DIS3L2: variants seen among roughly 807,000 people sequenced by gnomAD.
DIS3L2 encodes the protein DIS3-like exonuclease 2.
In DIS3L2, 34 loss-of-function variants were observed where a neutral mutation model predicts 97.5. The observed-to-expected ratio is 0.35, with a 90% CI of 0.27 to 0.46. The LOEUF is 0.46. Ranked by LOEUF, DIS3L2 falls within the 20% of genes least tolerant of loss-of-function variation. DIS3L2 has a pLI of 1.00. For synonymous variants in DIS3L2, 435 were observed against 445.2 expected (o/e 0.98, Z 0.29); for missense variants, 1,038 against 1,146.0 (o/e 0.91, Z 1.36).
intron 13 of DIS3L2, among the ~76,000 whole-genome samples, chr2:232,285,609 A>G (rs1409338356): frequency 6.6e-6 from 1 of 152,246 alleles, no homozygotes; most frequent in Non-Finnish European, 1.5e-5. Flanking sequence ...AGTGTGGCCC[A>G]GTAGGAAATG....
rs1695957683 is a variant in DIS3L2 at position 232,336,576 on chromosome 2, TGAGAAG to T, written c.2608_2613del (p.Lys870_Glu871del). 1 of 1,608,806 alleles carries T rather than the reference TGAGAAG, an allele frequency of 6.2e-7. No homozygotes were observed. Among genetic ancestry groups the T allele is most frequent in the Non-Finnish European group, 8.5e-7 (1 of 1,179,814 alleles). ...CAGGCACCCAGGGCCACCTGGGCCC[TGAGAAG>T]GAGGAGGAGGAGTCTGACGGTGAGC... is the stretch of plus-strand genomic sequence containing the variant. On this transcript the variant is annotated inframe_deletion, in exon 21 of 21. Transcript: ENST00000325385.
chr2:232,011,303 C>T (rs571954281), intron 1 of DIS3L2, among the ~76,000 whole-genome samples: 2 of 151,864 alleles, frequency 1.3e-5, no homozygotes, highest in Admixed American at 6.6e-5. Context: ...GCTTAATGGG[C>T]CTTTATAACT....
chr2:232,177,112 A>G (rs1574928450), intron 9 of DIS3L2, among the ~76,000 whole-genome samples: 2 of 147,580 alleles, frequency 1.4e-5, no homozygotes, highest in South Asian at 4.4e-4. Context: ...AATTTCATCC[A>G]TGTCCCTACA....
chr2:232,231,423 C>G (rs188006026), intron 10 of DIS3L2, among the ~76,000 whole-genome samples: 7 of 152,348 alleles, frequency 4.6e-5, no homozygotes, highest in African/African-American at 1.7e-4. Flanking sequence ...CTGCTTCACT[C>G]CTTTCTCTTG....
At chr2:232,141,451 C>A (rs1690036549) in intron 8 of DIS3L2, among the ~76,000 whole-genome samples, 1 of 151,996 alleles carries the variant, frequency 6.6e-6, no homozygotes, top group Non-Finnish European at 1.5e-5. Context: ...TTTTATCAAG[C>A]AAAGTCTGGT....
intron 8 of DIS3L2, among the ~76,000 whole-genome samples, chr2:232,157,851 C>G (rs1450169120): frequency 2.6e-5 from 4 of 152,176 alleles, no homozygotes; most frequent in Non-Finnish European, 1.5e-5. Flanking sequence ...TCCTATGTCC[C>G]TTGAGCAAGC....
intron 12 of DIS3L2, among the ~76,000 whole-genome samples, chr2:232,258,670 C>T (rs951350044): frequency 6.6e-6 from 1 of 150,882 alleles, no homozygotes; most frequent in African/African-American, 2.4e-5. Flanking sequence ...GTTTCTGAAG[C>T]TCTCCCTGCT....
intron 1 of DIS3L2, among the ~76,000 whole-genome samples, chr2:231,989,586 C>G (rs1693526977): frequency 6.6e-6 from 1 of 152,108 alleles, no homozygotes; most frequent in African/African-American, 2.4e-5. Context: ...CCTGTAATCT[C>G]TGCACTGAGG....
intron 6 of DIS3L2, among the ~76,000 whole-genome samples, chr2:232,108,584 T>C (rs1317778897): frequency 1.3e-5 from 2 of 152,180 alleles, no homozygotes; most frequent in Non-Finnish European, 2.9e-5. Context: ...AATAAAGGTA[T>C]TTAAATAGGA....
intron 5 of DIS3L2, among the ~76,000 whole-genome samples, chr2:232,063,134 G>T (rs1695758782): frequency 6.6e-6 from 1 of 152,048 alleles, no homozygotes; most frequent in African/African-American, 2.4e-5. Flanking sequence ...CTCACTCAGG[G>T]CCTGGCTCCT....
At chr2:232,160,231 C>A (rs1690610879) in intron 8 of DIS3L2, among the ~76,000 whole-genome samples, 1 of 152,076 alleles carries the variant, frequency 6.6e-6, no homozygotes. Flanking sequence ...ACCAGTGAAG[C>A]CATCTGGGTC....
chr2:232,075,735 A>G (rs1051674587), intron 5 of DIS3L2, among the ~76,000 whole-genome samples: 1 of 152,054 alleles, frequency 6.6e-6, no homozygotes, highest in Non-Finnish European at 1.5e-5. Flanking sequence ...GGACCTTGCA[A>G]TTATTTTTGA....
At chr2:232,291,431 G>A (rs55675123) in intron 13 of DIS3L2, among the ~76,000 whole-genome samples, 19,900 of 152,296 alleles carry the variant, frequency 0.13, 2,025 homozygotes, top group African/African-American at 0.29. Flanking sequence ...AACTGTGCTA[G>A]GATTTACCAC....
chr2:232,146,213 T>C (rs920553990), intron 8 of DIS3L2, among the ~76,000 whole-genome samples: 2 of 152,202 alleles, frequency 1.3e-5, no homozygotes, highest in Non-Finnish European at 2.9e-5. Flanking sequence ...AGCAGTTCCA[T>C]GTCAGTGTGT....
chr2:232,063,377 G>T (rs527704008), intron 5 of DIS3L2, among the ~76,000 whole-genome samples: 1 of 152,162 alleles, frequency 6.6e-6, no homozygotes, highest in Admixed American at 6.5e-5. Flanking sequence ...AAGAAACTGT[G>T]TATGTGTGCA....
chr2:232,295,115 A>T (rs1311466431), intron 13 of DIS3L2, among the ~76,000 whole-genome samples: 2 of 152,150 alleles, frequency 1.3e-5, no homozygotes, highest in East Asian at 3.9e-4. Flanking sequence ...GCTAGAAAAA[A>T]ATTAACAGTG....
At chr2:231,968,835 T>C (rs539189937) in intron 1 of DIS3L2, among the ~76,000 whole-genome samples, 12 of 152,236 alleles carry the variant, frequency 7.9e-5, no homozygotes, top group Non-Finnish European at 1.6e-4. Flanking sequence ...CTATTTGATA[T>C]GGTTTGGTTT....
At chr2:232,291,539 T>C (rs1240563423) in intron 13 of DIS3L2, among the ~76,000 whole-genome samples, 2 of 152,262 alleles carry the variant, frequency 1.3e-5, no homozygotes, top group African/African-American at 4.8e-5. Flanking sequence ...AGGCCGGCCT[T>C]GACCTGTGTT....
At chr2:232,025,282 CA>C (rs1229959795) in intron 4 of DIS3L2, among the ~76,000 whole-genome samples, 3 of 151,894 alleles carry the variant, frequency 2.0e-5, no homozygotes, top group Non-Finnish European at 4.4e-5. Context: ...CACTGAAATC[CA>C]AAATGCTCCA....
Sources: gnomAD v4.1 joint callset for allele counts (sites outside exome capture counted in the v4.1 genomes callset) on GRCh38, gnomAD v4.1.1 for gene constraint, MANE v1.5 for transcripts, NCBI Gene and HGNC (gene_info 2026-07-23, HGNC 2026-07-21) for gene names.